Variants in DNAJC13 observed in about 807,000 individuals in gnomAD.
The protein encoded by DNAJC13 is dnaJ homolog subfamily C member 13.
In DNAJC13, 75 loss-of-function variants were observed where a neutral mutation model predicts 290.5. The ratio of observed to expected loss-of-function variants is 0.26; its 90% CI spans 0.21 to 0.31. DNAJC13 has a LOEUF of 0.31. Ranked by LOEUF, DNAJC13 falls within the 10% of genes least tolerant of loss-of-function variation. The pLI is 1.00. For missense variants in DNAJC13, 2,260 were observed against 2,674.5 expected, an observed-to-expected ratio of 0.85 and a Z score of 3.42; for synonymous variants, 862 against 892.0, an observed-to-expected ratio of 0.97 and a Z score of 0.60.
chr3:132,459,677 C>A (rs1933727458), intron 13 of DNAJC13, among the ~76,000 whole-genome samples: 3 of 152,298 alleles, frequency 2.0e-5, no homozygotes, highest in Middle Eastern at 3.4e-3. Flanking sequence ...TTGTATCTTA[C>A]ATGAATTATC....
chr3:132,460,928 GAAATT>G (rs1933776825), intron 14 of DNAJC13, 117 bp from the exon 15 acceptor site: 6 of 943,508 alleles, frequency 6.4e-6, no homozygotes, highest in South Asian at 5.4e-5. Flanking sequence ...CTCATGTTGA[GAAATT>G]AAAGTCAATG....
At position 132,538,626 on chromosome 3, in the gene DNAJC13, G is replaced by T; in HGVS notation, c.*344G>T. On this transcript the variant is annotated 3_prime_UTR_variant, in exon 56 of 56. Transcript: ENST00000260818. ...TTTTTTTTGAACTAGCATGACTGTA[G>T]GGTTGAGCTACAGTCAACAAAAATT... The T allele has an allele frequency of 5.9e-6, 1 of 169,010 alleles. No homozygotes were observed. Among genetic ancestry groups the T allele is most frequent in the Non-Finnish European group, 1.3e-5 (1 of 79,606 alleles). The allele number at this position is 169,010 out of a possible 1,614,324, so 10.5% of individuals were successfully genotyped here.
chr3:132,422,232 T>C (rs552288023), intron 1 of DNAJC13, among the ~76,000 whole-genome samples: 1 of 151,862 alleles, frequency 6.6e-6, no homozygotes, highest in East Asian at 1.9e-4. Context: ...AGACGAGGTC[T>C]CACTATGTTG....
rs754592640 is a variant in DNAJC13, at chr3:132,503,343, T to C, written c.4846T>C (p.Tyr1616His). The C allele has an allele frequency of 6.2e-7, 1 of 1,614,154 alleles. No individual in the cohort carries two copies. Among genetic ancestry groups the C allele is most frequent in the South Asian group, 1.1e-5 (1 of 91,086 alleles). ...RKSLAGMLTPYVARKLAVASV... is the reference protein window; with the variant it reads ...RKSLAGMLTPHVARKLAVASV... The stretch of plus-strand genomic sequence containing the variant: ...AAGCTTAGCTGGCATGCTGACACCC[T>C]ATGTTGCTAGAAAACTTGCTGTGGC... The change falls in exon 41 of 56, where the codon TAT (tyrosine) becomes CAT (histidine). Residue 1616 changes from tyrosine to histidine, a missense_variant. Physicochemically the swap from Tyr to His is moderately conservative, Grantham distance 83. Transcript: ENST00000260818.
chr3:132,525,138 C>T (rs1422090717), intron 51 of DNAJC13, among the ~76,000 whole-genome samples: 2 of 152,010 alleles, frequency 1.3e-5, no homozygotes, highest in East Asian at 3.9e-4. Flanking sequence ...GTCAGGAGTT[C>T]GAGACCAGCC....
intron 19 of DNAJC13, among the ~76,000 whole-genome samples, chr3:132,466,929 T>A (rs1934014512): frequency 6.6e-6 from 1 of 152,212 alleles, no homozygotes; most frequent in African/African-American, 2.4e-5. Flanking sequence ...TCCTTCTCTG[T>A]CTGCACCCAG....
chr3:132,462,623 C>T, intron 16 of DNAJC13, 100 bp downstream of exon 16: 1 of 790,576 alleles, frequency 1.3e-6, no homozygotes, highest in Non-Finnish European at 2.0e-6. Flanking sequence ...GGGAAATAAA[C>T]ATTTCTCTGG....
intron 37 of DNAJC13, 60 bp downstream of exon 37, chr3:132,499,370 G>T (rs1191010457): frequency 3.6e-6 from 5 of 1,374,108 alleles, no homozygotes; most frequent in Non-Finnish European, 3.9e-6. Context: ...ATGACTCTTG[G>T]CAGTGAAGAA....
At chr3:132,464,412 TTCAGCTATCTTAAGCATACTATA>T (rs1485419297) in intron 17 of DNAJC13, among the ~76,000 whole-genome samples, 1 of 152,184 alleles carries the variant, frequency 6.6e-6, no homozygotes, top group Non-Finnish European at 1.5e-5. Flanking sequence ...ATGTGACCCT[TTCAGCTATCTTAAGCATACTATA>T]TTATGACTCA....
chr3:132,508,040 T>C (rs1001817312), intron 43 of DNAJC13, among the ~76,000 whole-genome samples: 2 of 152,148 alleles, frequency 1.3e-5, no homozygotes, highest in Non-Finnish European at 2.9e-5. Flanking sequence ...TGACAAGAAA[T>C]TGAAACAGCC....
chr3:132,435,885 T>C (rs979340555), intron 2 of DNAJC13, among the ~76,000 whole-genome samples: 1 of 152,210 alleles, frequency 6.6e-6, no homozygotes, highest in African/African-American at 2.4e-5. Context: ...AGCTTGTAAG[T>C]AACTGTGATC....
chr3:132,536,722 T>C (rs919539061), intron 55 of DNAJC13, among the ~76,000 whole-genome samples: 2 of 152,156 alleles, frequency 1.3e-5, no homozygotes, highest in Non-Finnish European at 2.9e-5. Context: ...GGTGCTGCTG[T>C]AGCTCTGAAC....
intron 1 of DNAJC13, among the ~76,000 whole-genome samples, chr3:132,418,977 T>G (rs547122631): frequency 2.0e-5 from 3 of 152,320 alleles, no homozygotes; most frequent in Non-Finnish European, 4.4e-5. Flanking sequence ...GTTCTTTGAT[T>G]TTTGGAAAGT....
rs1033304834 is a variant in DNAJC13, at chr3:132,538,987, C to T, written c.*705C>T. On this transcript the variant is annotated 3_prime_UTR_variant, in exon 56 of 56. Coordinates refer to ENST00000260818, the MANE Select transcript of DNAJC13 (RefSeq NM_015268.4). ...ATTATACAGATCATTCATATGTGTACATAAAATTTTAAAAATAAAGGGAAT... is the reference window on the plus strand; with the variant it reads ...ATTATACAGATCATTCATATGTGTATATAAAATTTTAAAAATAAAGGGAAT... 1.3e-5 allele frequency: 2 copies of T among 152,498 alleles called. No individual in the cohort carries two copies. Among genetic ancestry groups the T allele is most frequent in the East Asian group, 1.9e-4 (1 of 5,196 alleles). 9.4% of individuals were successfully genotyped at this position (152,498 alleles called of 1,614,324 possible).
intron 24 of DNAJC13, 31 bp from the exon 25 acceptor site, chr3:132,479,196 C>T: frequency 6.7e-7 from 1 of 1,481,826 alleles, no homozygotes; most frequent in Non-Finnish European, 9.4e-7. Flanking sequence ...TTTCTATTCA[C>T]TTCTGACCAG....
intron 55 of DNAJC13, 105 bp downstream of exon 55, chr3:132,531,202 C>CT: frequency 1.1e-6 from 1 of 937,814 alleles, no homozygotes; most frequent in Non-Finnish European, 1.7e-6. Flanking sequence ...GTTTCTTAGG[C>CT]TACCAGCTGA....
At chr3:132,514,495 C>T (rs1935864737) in intron 45 of DNAJC13, 76 bp from the exon 46 acceptor site, 3 of 946,326 alleles carry the variant, frequency 3.2e-6, no homozygotes, top group Admixed American at 5.3e-5. Context: ...CTCACTTGTA[C>T]AGTCTATATG....
Position 132,499,275 on chromosome 3 carries a change from A to G in DNAJC13, c.4306A>G (p.Asn1436Asp). ...AFHTVNCSAL[N>D]AEELRRENGL... ...CCATACTGTCAACTGTTCAGCCCTC[A>G]ATGCTGAAGAGCTCAGAAGAGAGAA... Residue 1436 changes from asparagine (N) to aspartate (D), a missense_variant, in exon 37 of 56, where the codon AAT becomes GAT. By Grantham distance (23) the Asn-to-Asp change is conservative (BLOSUM62 1). This residue lies in a region of DNAJC13 where 1,494 missense variants were observed against 1,693.7 expected (regional missense o/e 0.88). Transcript: ENST00000260818. 4 of 1,612,158 alleles carry G rather than the reference A, an allele frequency of 2.5e-6. No homozygotes were observed. Among genetic ancestry groups the G allele is most frequent in the Non-Finnish European group, 3.4e-6 (4 of 1,178,902 alleles).
intron 55 of DNAJC13, 45 bp from the exon 56 acceptor site, chr3:132,538,131 C>T (rs1454117187): frequency 5.2e-6 from 8 of 1,529,166 alleles, no homozygotes; most frequent in Non-Finnish European, 7.2e-6. Context: ...AATGTTTTCA[C>T]TTGACTGCTT....
Sources: allele counts gnomAD v4.1 joint callset (sites outside exome capture counted in the v4.1 genomes callset), GRCh38; gene constraint gnomAD v4.1.1; regional missense constraint gnomAD v4.1.1; transcripts MANE v1.5; gene names NCBI Gene and HGNC (gene_info 2026-07-23, HGNC 2026-07-21).